CTNND2: variants seen among roughly 807,000 people sequenced by gnomAD.
CTNND2 encodes the protein catenin delta 2.
Under a neutral mutation model 144.4 loss-of-function variants are expected in CTNND2, and 22 were observed. That is an observed-to-expected ratio of 0.15 (90% CI 0.11 to 0.22). The LOEUF is 0.22. Ranked by LOEUF, CTNND2 falls within the 10% of genes least tolerant of loss-of-function variation. CTNND2 has a pLI of 1.00. For synonymous variants in CTNND2, 751 were observed against 695.6 expected (o/e 1.08, Z -1.25); for missense variants, 1,353 against 1,618.8 (o/e 0.84, Z 2.82).
In CTNND2 at chr5:11,216,058, T is replaced by C. The variant is rs61750752; in HGVS notation, c.1762-16397A>G. On this transcript the variant is annotated intron_variant, in intron 10 of 21. Coordinates refer to ENST00000304623, the MANE Select transcript of CTNND2 (RefSeq NM_001332.4). ...CCAACTAGTCAAAGGAATAATGCTC[T>C]GTTAAGTGGTAAAAAATCCTGAATC... is the stretch of plus-strand genomic sequence containing the variant. Among the ~76,000 whole-genome samples, 1,041 of 152,290 alleles carry C rather than the reference T, an allele frequency of 6.8e-3. 7 individuals are homozygous for C. The highest frequency in any genetic ancestry group is 0.016 in the South Asian group (78 of 4,820).
chr5:11,058,756 C>T (rs1056834570), intron 16 of CTNND2, among the ~76,000 whole-genome samples: 3 of 151,702 alleles, frequency 2.0e-5, no homozygotes, highest in Admixed American at 2.0e-4. Flanking sequence ...ATGAAGGCAG[C>T]TGGGAGGGAG....
At chr5:11,181,978 GGT>G (rs1335669989) in intron 11 of CTNND2, among the ~76,000 whole-genome samples, 4 of 139,688 alleles carry the variant, frequency 2.9e-5, no homozygotes, top group East Asian at 2.2e-4. Flanking sequence ...GTATGTGTGT[GGT>G]GTGTGTGTAG....
chr5:11,805,306 G>C lies in CTNND2; in HGVS notation c.38-73034C>G, dbSNP rs558315745. On this transcript the variant is annotated intron_variant, in intron 1 of 21. Transcript: ENST00000304623. ...ATAGGTAATGTATATACTCAGATTA[G>C]TATACACTCATATATTTATTTGCTA... 3.9e-5 allele frequency among the ~76,000 whole-genome samples: 6 copies of C among 152,178 alleles called. No homozygotes were observed. The East Asian group carries it at 9.7e-4, about 25-fold the overall frequency.
intron 12 of CTNND2, among the ~76,000 whole-genome samples, chr5:11,128,801 A>AT (rs1236739303): frequency 1.8e-4 from 5 of 28,504 alleles, no homozygotes; most frequent in East Asian, 3.4e-3. Flanking sequence ...TATATTATAT[A>AT]TATACAATAT....
At chr5:11,568,901 T>C (rs1418074653) in intron 2 of CTNND2, among the ~76,000 whole-genome samples, 2 of 152,218 alleles carry the variant, frequency 1.3e-5, no homozygotes, top group Admixed American at 6.5e-5. Context: ...ACTATGTGAA[T>C]ATATTTACTG....
In CTNND2 at chr5:11,292,889, G is replaced by T. The variant is rs141632567; in HGVS notation, c.1628+53483C>A. 2.7e-3 allele frequency among the ~76,000 whole-genome samples: 414 copies of T among 152,288 alleles called. 2 individuals carry two copies. The highest frequency in any genetic ancestry group is 9.1e-3 in the African/African-American group (380 of 41,558). On this transcript the variant is annotated intron_variant, in intron 9 of 21. Transcript: ENST00000304623. ...GAGCTTTCAGAGGGAATCTGGCCCT[G>T]CCAACACCTTGATCTCAGACTTCCA... is the stretch of plus-strand genomic sequence containing the variant.
At chr5:11,692,245 C>T (rs1008541658) in intron 2 of CTNND2, among the ~76,000 whole-genome samples, 20 of 152,034 alleles carry the variant, frequency 1.3e-4, no homozygotes, top group Admixed American at 1.3e-3. Context: ...TATTTTTTCC[C>T]TTTTATCTTA....
chr5:11,266,162 T>C (rs1745420762), intron 9 of CTNND2, among the ~76,000 whole-genome samples: 1 of 152,246 alleles, frequency 6.6e-6, no homozygotes, highest in Admixed American at 6.5e-5. Context: ...ATGATGTTGA[T>C]GCCTCTCAGA....
intron 1 of CTNND2, among the ~76,000 whole-genome samples, chr5:11,812,456 A>C (rs902928210): frequency 3.9e-5 from 6 of 152,164 alleles, no homozygotes; most frequent in Non-Finnish European, 8.8e-5. Context: ...AACTCTCCCC[A>C]GTAACAGACA....
At chr5:11,221,613 A>G (rs1422638353) in intron 10 of CTNND2, among the ~76,000 whole-genome samples, 1 of 152,220 alleles carries the variant, frequency 6.6e-6, no homozygotes, top group Admixed American at 6.5e-5. Flanking sequence ...CTATGCATGG[A>G]CATCACATGA....
intron 2 of CTNND2, among the ~76,000 whole-genome samples, chr5:11,614,466 C>T (rs375452726): frequency 2.6e-4 from 40 of 152,224 alleles, no homozygotes; most frequent in African/African-American, 7.9e-4. Context: ...GATGGGAAAA[C>T]AATTAGACAA....
At chr5:11,130,683 T>C (rs186874123) in intron 12 of CTNND2, among the ~76,000 whole-genome samples, 2 of 152,276 alleles carry the variant, frequency 1.3e-5, no homozygotes, top group Admixed American at 6.5e-5. Flanking sequence ...CCGCTCACAG[T>C]TGTTCTTTCC....
rs912914275 is a variant in CTNND2 at position 10,973,830 on chromosome 5, C to T, written c.3418-117G>A. 1.4e-5 allele frequency: 16 copies of T among 1,165,492 alleles called. No homozygotes were observed. Among genetic ancestry groups the T allele is most frequent in the Non-Finnish European group, 1.9e-5 (16 of 859,160 alleles). The allele number at this position is 1,165,492 out of a possible 1,614,324, so 72.2% of individuals were successfully genotyped here. On this transcript the variant is annotated intron_variant, in intron 21 of 21. Coordinates refer to ENST00000304623, the MANE Select transcript of CTNND2 (RefSeq NM_001332.4). The surrounding 1 kb of genome is among the most constrained non-coding windows in gnomAD (Gnocchi z 5.6). ...AGGCTGTGTATATCCAGGCATTCAC[C>T]ACTGTGGCCCTGCTTCTCCAAAACT...
intron 10 of CTNND2, among the ~76,000 whole-genome samples, chr5:11,233,314 T>C (rs1741250915): frequency 6.6e-6 from 1 of 152,194 alleles, no homozygotes; most frequent in Admixed American, 6.5e-5. Context: ...TTGATGTTCT[T>C]GGCTTTATTA....
At chr5:11,018,428 C>T (rs1580054324) in intron 17 of CTNND2, among the ~76,000 whole-genome samples, 1 of 152,224 alleles carries the variant, frequency 6.6e-6, no homozygotes, top group East Asian at 1.9e-4. Context: ...TACTTTAAAT[C>T]AAAAGCAAGA....
intron 1 of CTNND2, among the ~76,000 whole-genome samples, chr5:11,779,545 T>G (rs1790432728): frequency 6.6e-6 from 1 of 152,168 alleles, no homozygotes; most frequent in Non-Finnish European, 1.5e-5. Flanking sequence ...GGTTATGGCA[T>G]AGCCTGTAAC....
At chr5:11,831,651 A>T (rs541413827) in intron 1 of CTNND2, among the ~76,000 whole-genome samples, 2 of 149,710 alleles carry the variant, frequency 1.3e-5, no homozygotes, top group East Asian at 3.9e-4. Flanking sequence ...AGGGCAACAG[A>T]GGGAGACTCT....
chr5:11,431,894 G>A (rs921240665), intron 3 of CTNND2, among the ~76,000 whole-genome samples: 1 of 152,070 alleles, frequency 6.6e-6, no homozygotes, highest in Non-Finnish European at 1.5e-5. Flanking sequence ...CGCACAGCAC[G>A]GAAGCACTCC....
chr5:11,026,541 T>C (rs1487280965), intron 16 of CTNND2, among the ~76,000 whole-genome samples: 4 of 151,618 alleles, frequency 2.6e-5, no homozygotes, highest in Non-Finnish European at 5.9e-5. Context: ...AATTTTAGTA[T>C]AGATGGGGTT....
Sources: gnomAD v4.1 joint callset for allele counts (sites outside exome capture counted in the v4.1 genomes callset) on GRCh38, gnomAD v4.1.1 for gene constraint, Gnocchi (gnomAD v3.1) non-coding constraint, MANE v1.5 for transcripts, NCBI Gene and HGNC (gene_info 2026-07-23, HGNC 2026-07-21) for gene names.